NOSTRIN: variants seen among roughly 807,000 people sequenced by gnomAD.
The protein encoded by NOSTRIN is BM247 homolog.
A neutral mutation model predicts 59.0 loss-of-function variants in NOSTRIN; 63 were observed. That is an observed-to-expected ratio of 1.07 (90% CI 0.87 to 1.32). The LOEUF is 1.32. Ranked by LOEUF, NOSTRIN falls within the 40% of genes most tolerant of loss-of-function variation. The pLI is 0.00. For missense variants in NOSTRIN, 512 were observed against 473.1 expected (o/e 1.08, Z -0.76); for synonymous variants, 200 against 165.4 (o/e 1.21, Z -1.61).
chr2:168,801,089 C>T (rs1685600853), upstream of NOSTRIN: 2 of 151,802 alleles, frequency 1.3e-5, no homozygotes, highest in African/African-American at 2.4e-5. Context: ...AATTCTAGCC[C>T]TGTGGTAGCT....
chr2:168,788,921 AG>A (rs1685273875), intron 2 of NOSTRIN, among the ~76,000 whole-genome samples: 4 of 151,900 alleles, frequency 2.6e-5, no homozygotes, highest in African/African-American at 9.7e-5. Flanking sequence ...ATAGATAGAT[AG>A]ATAGATAGAT....
At chr2:168,812,674 G>T (rs917072216) in intron 2 of NOSTRIN, among the ~76,000 whole-genome samples, 1 of 152,232 alleles carries the variant, frequency 6.6e-6, no homozygotes, top group Middle Eastern at 3.4e-3. Flanking sequence ...CTTCCAAAAG[G>T]CAGGAAAATG....
chr2:168,821,322 C>T (rs1041581720), intron 2 of NOSTRIN, among the ~76,000 whole-genome samples: 1 of 152,200 alleles, frequency 6.6e-6, no homozygotes, highest in African/African-American at 2.4e-5. Context: ...AGAGAGACTG[C>T]ATTTAAACAG....
chr2:168,806,989 C>G (rs1046933842), intron 1 of NOSTRIN, among the ~76,000 whole-genome samples: 2 of 152,162 alleles, frequency 1.3e-5, no homozygotes. Flanking sequence ...GTATTTGTTT[C>G]TGATGGATTC....
intron 3 of NOSTRIN, among the ~76,000 whole-genome samples, chr2:168,827,766 C>T (rs879936671): frequency 2.0e-5 from 3 of 151,768 alleles, no homozygotes; most frequent in Admixed American, 6.6e-5. Context: ...GAAAAGGTCT[C>T]GCTGTGTGTG....
chr2:168,804,099 A>T (rs564535924), intron 1 of NOSTRIN, among the ~76,000 whole-genome samples: 44 of 152,342 alleles, frequency 2.9e-4, no homozygotes, highest in Non-Finnish European at 4.7e-4. Context: ...TAAAAAGAGA[A>T]GAAGAAATAA....
chr2:168,843,582 A>C (rs1688222786), intron 8 of NOSTRIN, among the ~76,000 whole-genome samples: 1 of 150,910 alleles, frequency 6.6e-6, no homozygotes, highest in Non-Finnish European at 1.5e-5. Context: ...AGACACATAA[A>C]GAAGGAATTG....
At chr2:168,829,098 T>G (rs927709045) in intron 5 of NOSTRIN, among the ~76,000 whole-genome samples, 1 of 152,202 alleles carries the variant, frequency 6.6e-6, no homozygotes, top group Non-Finnish European at 1.5e-5. Context: ...TCTACGCTTA[T>G]TAGCTTGGTA....
At chr2:168,863,317 T>C (rs1689596483) in intron 15 of NOSTRIN, 1 of 781,102 alleles carries the variant, frequency 1.3e-6, no homozygotes, top group Non-Finnish European at 1.6e-6. Flanking sequence ...AGAATAGTGA[T>C]TTATGACTAA....
chr2:168,792,990 T>G (rs1377846065), intron 2 of NOSTRIN, among the ~76,000 whole-genome samples: 5 of 152,204 alleles, frequency 3.3e-5, no homozygotes, highest in African/African-American at 1.2e-4. Context: ...TTTTGACTTT[T>G]CAACACTCCA....
intron 7 of NOSTRIN, 111 bp from the exon 8 acceptor site, chr2:168,842,881 A>G (rs1688182372): frequency 7.9e-6 from 6 of 757,786 alleles, no homozygotes; most frequent in Non-Finnish European, 1.4e-5. Context: ...TTATGACTCT[A>G]CGTGAGAGGT....
intron 2 of NOSTRIN, among the ~76,000 whole-genome samples, chr2:168,823,660 A>G (rs1484328557): frequency 6.6e-6 from 1 of 152,228 alleles, no homozygotes; most frequent in Admixed American, 6.5e-5. Context: ...CTTGATCATC[A>G]TCTGCAAAGA....
chr2:168,847,498 C>A (rs1688501913), intron 8 of NOSTRIN, among the ~76,000 whole-genome samples: 1 of 152,186 alleles, frequency 6.6e-6, no homozygotes, highest in Non-Finnish European at 1.5e-5. Flanking sequence ...GAGCATATTT[C>A]TTTTATCAGT....
At chr2:168,841,682 C>T (rs572904748) in intron 7 of NOSTRIN, among the ~76,000 whole-genome samples, 1 of 152,278 alleles carries the variant, frequency 6.6e-6, no homozygotes, top group African/African-American at 2.4e-5. Context: ...TTACCTATGT[C>T]AGGGCCAAGG....
chr2:168,810,635 A>AT (rs1371815454), intron 1 of NOSTRIN, among the ~76,000 whole-genome samples: 1 of 152,216 alleles, frequency 6.6e-6, no homozygotes, highest in African/African-American at 2.4e-5. Context: ...GGCTCATTGT[A>AT]TGAGCAAAGA....
At chr2:168,826,701 T>C (rs1211806269) in intron 3 of NOSTRIN, among the ~76,000 whole-genome samples, 1 of 152,208 alleles carries the variant, frequency 6.6e-6, no homozygotes, top group Non-Finnish European at 1.5e-5. Context: ...GAAATGTGCC[T>C]GACTTCATTT....
At chr2:168,835,242 T>G (rs1687653021) in intron 7 of NOSTRIN, among the ~76,000 whole-genome samples, 1 of 136,486 alleles carries the variant, frequency 7.3e-6, no homozygotes. Context: ...GCTCGGCTAA[T>G]TTTTTTTTGC....
chr2:168,848,643 G>C (rs1420723668), intron 8 of NOSTRIN, among the ~76,000 whole-genome samples: 1 of 152,214 alleles, frequency 6.6e-6, no homozygotes, highest in African/African-American at 2.4e-5. Flanking sequence ...CTACAACATG[G>C]ATGAACCTTG....
upstream of NOSTRIN, chr2:168,802,497 G>C (rs1685646760): frequency 1.5e-6 from 1 of 665,404 alleles, no homozygotes; most frequent in Non-Finnish European, 2.8e-6. Flanking sequence ...TGAAAGTCCA[G>C]GGCTGGGACT....
Sources: allele counts gnomAD v4.1 joint callset (sites outside exome capture counted in the v4.1 genomes callset), GRCh38; gene constraint gnomAD v4.1.1; transcripts MANE v1.5; gene names NCBI Gene and HGNC (gene_info 2026-07-23, HGNC 2026-07-21).